Variants in IL1RAPL1 observed in about 807,000 individuals in gnomAD.
The protein encoded by IL1RAPL1 is interleukin-1 receptor accessory protein-like 1.
IL1RAPL1 carries 3 observed loss-of-function variants against 48.4 expected under a neutral mutation model. The ratio of observed to expected loss-of-function variants is 0.06; its 90% confidence interval spans 0.03 to 0.16. The LOEUF (loss-of-function observed/expected upper bound fraction) is 0.16. IL1RAPL1 is among the 10% of genes least tolerant of loss of function. The probability of loss-of-function intolerance (pLI) is 1.00; values close to 1 mark genes in which losing one functional copy is unlikely to be tolerated. For synonymous variants in IL1RAPL1, 185 were observed against 187.7 expected (o/e 0.99, Z 0.12); for missense variants, 349 against 530.6 (o/e 0.66, Z 3.36).
chrX:29,345,161 T>TA (rs770059561), intron 3 of IL1RAPL1, among the ~76,000 whole-genome samples: 1 of 112,320 alleles, frequency 8.9e-6, no homozygotes, highest in African/African-American at 3.2e-5. Flanking sequence ...ATTGTACACA[T>TA]AAGCAAGTAT....
Position 29,562,988 on chromosome X carries a change from T to C in IL1RAPL1, c.704-105442T>C, listed in dbSNP as rs770918547. Among the ~76,000 whole-genome samples, 7 of 111,803 alleles carry C rather than the reference T, an allele frequency of 6.3e-5. No homozygotes were observed. In the East Asian group the frequency reaches 1.7e-3, roughly 27 times the overall value. On this transcript the variant is annotated intron_variant, in intron 5 of 10. Coordinates refer to ENST00000378993, the MANE Select transcript of IL1RAPL1 (RefSeq NM_014271.4). ...TGCACCATATGGTAAGGAAATGATA[T>C]CTCTGTCAGGATAGACTAGATTGTA...
chrX:29,355,099 GTCT>G (rs1411260473), intron 3 of IL1RAPL1, among the ~76,000 whole-genome samples: 1 of 111,996 alleles, frequency 8.9e-6, no homozygotes, highest in African/African-American at 3.2e-5. Flanking sequence ...TAAGACTCCA[GTCT>G]TCTTGGTACA....
intron 2 of IL1RAPL1, among the ~76,000 whole-genome samples, chrX:29,014,255 A>G (rs746065343): frequency 8.9e-6 from 1 of 112,328 alleles, no homozygotes; most frequent in South Asian, 3.7e-4. Flanking sequence ...GCCTGGTTAA[A>G]TTCCGAGCAT....
chrX:28,717,779 G>A (rs1935521715), intron 1 of IL1RAPL1, among the ~76,000 whole-genome samples: 1 of 111,123 alleles, frequency 9.0e-6, no homozygotes, highest in Admixed American at 9.6e-5. Flanking sequence ...CTGGTACTTT[G>A]AAAGAAGGTA....
chrX:28,743,623 G>A (rs980076321), intron 1 of IL1RAPL1, among the ~76,000 whole-genome samples: 17 of 110,880 alleles, frequency 1.5e-4, no homozygotes, highest in African/African-American at 5.6e-4. Context: ...GTAGTTTATC[G>A]TCATCCATGG....
chrX:28,695,476 G>T (rs962134033), intron 1 of IL1RAPL1, among the ~76,000 whole-genome samples: 2 of 111,645 alleles, frequency 1.8e-5, no homozygotes, highest in Non-Finnish European at 3.8e-5. Flanking sequence ...GACTTTCAGG[G>T]TGTTAACTTT....
chrX:28,810,372 G>A (rs1475644499), intron 2 of IL1RAPL1, among the ~76,000 whole-genome samples: 1 of 110,831 alleles, frequency 9.0e-6, no homozygotes. Flanking sequence ...ATATGAGTGT[G>A]ATTTCATGGG....
At chrX:29,077,756 C>G (rs1261909169) in intron 2 of IL1RAPL1, among the ~76,000 whole-genome samples, 1 of 111,361 alleles carries the variant, frequency 9.0e-6, no homozygotes, top group Non-Finnish European at 1.9e-5. Context: ...AGAACAATCA[C>G]AAGACACGGC....
At chrX:28,941,037 T>G (rs761895356) in intron 2 of IL1RAPL1, among the ~76,000 whole-genome samples, 23 of 110,840 alleles carry the variant, frequency 2.1e-4, no homozygotes, top group Non-Finnish European at 3.4e-4. Context: ...TACTTAAATT[T>G]ATTTATGATA....
chrX:29,263,627 G>A (rs1382309239), intron 2 of IL1RAPL1, among the ~76,000 whole-genome samples: 3 of 111,678 alleles, frequency 2.7e-5, no homozygotes, highest in African/African-American at 6.5e-5. Flanking sequence ...GATAAGTCAA[G>A]TTTGTGGTTT....
At chrX:28,707,732 T>A (rs1256786120) in intron 1 of IL1RAPL1, among the ~76,000 whole-genome samples, 1 of 111,616 alleles carries the variant, frequency 9.0e-6, no homozygotes, top group Non-Finnish European at 1.9e-5. Context: ...TAGTCCAAAG[T>A]CACAGAGAAG....
Position 28,972,259 on chromosome X carries a change from A to G in IL1RAPL1, c.82+182834A>G, listed in dbSNP as rs745471694. 2.7e-5 allele frequency among the ~76,000 whole-genome samples: 3 copies of G among 111,542 alleles called. No homozygotes were observed. The South Asian group carries it at 1.1e-3, about 41-fold the overall frequency. Reference sequence around the variant, plus strand: ...TGAATTTGAAACAATAATAATTATTATTATCATTTATTAAGAAACTTACAT... The same window carrying G: ...TGAATTTGAAACAATAATAATTATTGTTATCATTTATTAAGAAACTTACAT... On this transcript the variant is annotated intron_variant, in intron 2 of 10. Transcript: ENST00000378993.
chrX:28,621,375 G>A lies in IL1RAPL1; in HGVS notation c.-25+33328G>A, dbSNP rs146807953. Among the ~76,000 whole-genome samples, 706 of 110,868 alleles carry A rather than the reference G, an allele frequency of 6.4e-3. 5 individuals carry two copies. Among genetic ancestry groups the A allele is most frequent in the African/African-American group, 0.021 (651 of 30,443 alleles). On this transcript the variant is annotated intron_variant, in intron 1 of 10. Coordinates refer to ENST00000378993, the MANE Select transcript of IL1RAPL1 (RefSeq NM_014271.4). Reference sequence around the variant, plus strand: ...CCTTTTTTTACTGAAAATTTCAGTCGCTCTTTGGAGGCATTCGTTGCATTG... The same window carrying A: ...CCTTTTTTTACTGAAAATTTCAGTCACTCTTTGGAGGCATTCGTTGCATTG...
intron 2 of IL1RAPL1, among the ~76,000 whole-genome samples, chrX:28,831,317 T>A (rs1921049892): frequency 9.5e-6 from 1 of 104,895 alleles, no homozygotes; most frequent in African/African-American, 3.5e-5. Context: ...TATCTTCTTG[T>A]TTGTCCCATG....
intron 6 of IL1RAPL1, among the ~76,000 whole-genome samples, chrX:29,732,317 C>T (rs944836323): frequency 2.7e-5 from 3 of 111,728 alleles, no homozygotes; most frequent in African/African-American, 3.3e-5. Flanking sequence ...CTAACTGTTA[C>T]GATAGCTAGA....
chrX:29,103,845 A>G (rs146610231), intron 2 of IL1RAPL1, among the ~76,000 whole-genome samples: 222 of 112,351 alleles, frequency 2.0e-3, no homozygotes, highest in Middle Eastern at 9.1e-3. Flanking sequence ...GAAGACAAGT[A>G]AATGGTAAAT....
intron 1 of IL1RAPL1, among the ~76,000 whole-genome samples, chrX:28,729,730 G>T (rs1231615542): frequency 9.0e-6 from 1 of 111,542 alleles, no homozygotes; most frequent in East Asian, 2.8e-4. Flanking sequence ...GGGTGTGGTG[G>T]CTCATGCCTG....
chrX:29,756,062 G>C (rs1344700975), intron 6 of IL1RAPL1, among the ~76,000 whole-genome samples: 1 of 111,549 alleles, frequency 9.0e-6, no homozygotes, highest in African/African-American at 3.3e-5. Context: ...TCATAGGGCT[G>C]TTATAAAGAT....
intron 2 of IL1RAPL1, among the ~76,000 whole-genome samples, chrX:29,075,148 GTTACA>G (rs1419550372): frequency 8.9e-6 from 1 of 111,767 alleles, no homozygotes. Context: ...CTTTCTAGCT[GTTACA>G]TTACATTCTG....
Sources: gnomAD v4.1 joint callset for allele counts (sites outside exome capture counted in the v4.1 genomes callset) on GRCh38, gnomAD v4.1.1 for gene constraint, MANE v1.5 for transcripts, NCBI Gene and HGNC (gene_info 2026-07-23, HGNC 2026-07-21) for gene names.